The following DNMBP variants were observed in gnomAD, a reference collection of about 807,000 sequenced individuals.
DNMBP encodes the protein dynamin binding protein, also known as dynamin-binding protein.
Under a neutral mutation model 150.0 loss-of-function variants are expected in DNMBP, and 87 were observed. The ratio of observed to expected loss-of-function variants is 0.58; its 90% CI spans 0.49 to 0.69. The LOEUF (loss-of-function observed/expected upper bound fraction) is 0.69. DNMBP is among the 30% of genes least tolerant of loss of function. DNMBP has a pLI of 0.00. For missense variants in DNMBP, 1,774 were observed against 1,949.0 expected (o/e 0.91, Z 1.69); for synonymous variants, 711 against 750.4 (o/e 0.95, Z 0.86).
chr10:99,884,814 A>T (rs1168603667), intron 14 of DNMBP, among the ~76,000 whole-genome samples: 1 of 151,882 alleles, frequency 6.6e-6, no homozygotes, highest in Non-Finnish European at 1.5e-5. Context: ...GAGGCAGGAG[A>T]ATCACTTGAA....
chr10:99,915,108 A>ATATAT (rs1554863106), intron 4 of DNMBP, among the ~76,000 whole-genome samples: 4 of 99,798 alleles, frequency 4.0e-5, no homozygotes, highest in African/African-American at 1.8e-4. Flanking sequence ...AAAAAAAAAA[A>ATATAT]ATATATATAT....
intron 6 of DNMBP, among the ~76,000 whole-genome samples, chr10:99,900,932 C>CCTATA (rs1225993567): frequency 6.6e-6 from 1 of 151,990 alleles, no homozygotes; most frequent in Non-Finnish European, 1.5e-5. Context: ...GATATAGTAA[C>CCTATA]CTATATACTA....
At chr10:99,893,973 T>A (rs913560528) in intron 11 of DNMBP, among the ~76,000 whole-genome samples, 2 of 152,194 alleles carry the variant, frequency 1.3e-5, no homozygotes, top group South Asian at 2.1e-4. Flanking sequence ...AAACTTTTTT[T>A]TTAAAAAAGT....
chr10:99,973,807 C>G (rs1305975289), intron 1 of DNMBP, among the ~76,000 whole-genome samples: 1 of 152,130 alleles, frequency 6.6e-6, no homozygotes, highest in Non-Finnish European at 1.5e-5. Context: ...ATGGTGAAAC[C>G]CCGTCTCTAC....
In DNMBP at chr10:99,900,148, T is replaced by C. The variant is rs528667540; in HGVS notation, c.2555-82A>G. The C allele has an allele frequency of 7.7e-5, 108 of 1,407,012 alleles. 1 individual carries two copies. The South Asian group carries it at 1.3e-3, about 17-fold the overall frequency. 87.2% of individuals were successfully genotyped at this position (1,407,012 alleles called of 1,614,324 possible). A position where few individuals can be genotyped will look rare whatever the true frequency, so the allele number is the denominator to read the frequency against. On this transcript the variant is annotated intron_variant, in intron 6 of 16. Transcript: ENST00000324109. The stretch of plus-strand genomic sequence containing the variant: ...AAATGTAAGGTACACAGCCAAACTT[T>C]AGTACCAGCTAAATCCTACCTATTA...
At chr10:99,998,233 CAAA>C (rs112662710) in intron 1 of DNMBP, among the ~76,000 whole-genome samples, 2 of 130,478 alleles carry the variant, frequency 1.5e-5, no homozygotes. Flanking sequence ...GACTCCGTCT[CAAA>C]AAAAAAAAAA....
intron 3 of DNMBP, among the ~76,000 whole-genome samples, chr10:99,960,990 A>G (rs899166712): frequency 6.6e-5 from 10 of 151,954 alleles, no homozygotes; most frequent in Admixed American, 2.0e-4. Context: ...AAAATAAAAT[A>G]AAATAAATAA....
intron 4 of DNMBP, among the ~76,000 whole-genome samples, chr10:99,911,615 A>G (rs930504246): frequency 5.9e-5 from 9 of 152,224 alleles, no homozygotes; most frequent in African/African-American, 2.2e-4. Context: ...AGAATGAGAT[A>G]AAAACAGCAA....
intron 12 of DNMBP, 41 bp from the exon 13 acceptor site, chr10:99,886,673 T>A: frequency 6.4e-7 from 1 of 1,568,166 alleles, no homozygotes. Flanking sequence ...CTGGACAGCA[T>A]CCCACATTTG....
intron 10 of DNMBP, among the ~76,000 whole-genome samples, chr10:99,895,443 A>G (rs190445822): frequency 1.2e-3 from 187 of 152,348 alleles, no homozygotes; most frequent in Non-Finnish European, 2.0e-3. Flanking sequence ...TAGCTTCCTT[A>G]AAAACATCTT....
chr10:99,900,658 G>A lies in DNMBP; in HGVS notation c.2555-592C>T, dbSNP rs114043548. On this transcript the variant is annotated intron_variant, in intron 6 of 16. Transcript: ENST00000324109. ...GTTTCTTATTTTTTTTTCCTGAGAC[G>A]GAGTCTCTTGTCGCCCAGGCTGGAG... Among the ~76,000 whole-genome samples the A allele has an allele frequency of 2.4e-3, 347 of 147,378 alleles. 2 individuals carry two copies. Among genetic ancestry groups the A allele is most frequent in the African/African-American group, 7.0e-3 (279 of 39,924 alleles).
intron 1 of DNMBP, among the ~76,000 whole-genome samples, chr10:99,975,254 G>A (rs1469725958): frequency 6.6e-6 from 1 of 152,086 alleles, no homozygotes; most frequent in African/African-American, 2.4e-5. Context: ...CAGCTACTCA[G>A]GAGGCTGAGG....
chr10:99,971,864 T>C (rs1051854227), intron 2 of DNMBP, 116 bp downstream of exon 2: 5 of 920,356 alleles, frequency 5.4e-6, no homozygotes, highest in East Asian at 5.2e-5. Flanking sequence ...TTCTTTCTTT[T>C]TTTTTTTTTA....
At chr10:99,905,104 T>A (rs2039806120) in intron 6 of DNMBP, among the ~76,000 whole-genome samples, 1 of 151,918 alleles carries the variant, frequency 6.6e-6, no homozygotes, top group Non-Finnish European at 1.5e-5. Context: ...GAGATACTTA[T>A]TTCAAGTGCC....
At chr10:99,974,048 G>A (rs2040703976) in intron 1 of DNMBP, among the ~76,000 whole-genome samples, 1 of 152,128 alleles carries the variant, frequency 6.6e-6, no homozygotes, top group African/African-American at 2.4e-5. Flanking sequence ...TAGCACTTCG[G>A]GAGACTAAGG....
At chr10:99,888,366 A>G (rs1356893613) in intron 12 of DNMBP, among the ~76,000 whole-genome samples, 1 of 151,874 alleles carries the variant, frequency 6.6e-6, no homozygotes, top group Non-Finnish European at 1.5e-5. Context: ...GCCCACCACC[A>G]TGCCCTGCTA....
intron 8 of DNMBP, 152 bp downstream of exon 8, chr10:99,898,591 C>T: frequency 1.2e-6 from 1 of 823,866 alleles, no homozygotes; most frequent in East Asian, 2.4e-5. Flanking sequence ...GTAAAGTGTT[C>T]CCTTGGGGAT....
chr10:99,885,675 T>A lies in DNMBP; in HGVS notation c.3798+12A>T. The A allele has an allele frequency of 6.4e-7, 1 of 1,554,554 alleles. No homozygotes were observed. The highest frequency in any genetic ancestry group is 1.2e-5 in the South Asian group (1 of 84,444). ...CCCGAGGCGGGGCTGCTGCTCTCAG[T>A]TCCCTACTCACCAGGCCCAGGAGTG... On this transcript the variant is annotated intron_variant, in intron 14 of 16. Coordinates refer to ENST00000324109, the MANE Select transcript of DNMBP (RefSeq NM_015221.4).
At position 99,955,547 on chromosome 10, in the gene DNMBP, G is replaced by T. The variant is rs139122036; in HGVS notation, c.1927C>A (p.Arg643Ser). 6.3e-7 allele frequency: 1 copy of T among 1,599,256 alleles called. No homozygotes were observed. The highest frequency in any genetic ancestry group is 1.1e-5 in the South Asian group (1 of 89,200). Reference sequence around the variant, plus strand: ...GCTGAGGGAGGCAGGGGAGCTGGGCGAGAGGGTCGCACCACCAAGGGTGGT... The same window carrying T: ...GCTGAGGGAGGCAGGGGAGCTGGGCTAGAGGGTCGCACCACCAAGGGTGGT... Reference protein sequence around the residue: ...PAPPLVVRPSRPAPLPPSAQQ... With the variant: ...PAPPLVVRPSSPAPLPPSAQQ... Residue 643 changes from arginine to serine, a missense_variant, in exon 4 of 17, where the codon CGC becomes AGC. This residue lies in a region of DNMBP where 1,430 missense variants were observed against 1,492.5 expected (regional missense o/e 0.96). Transcript: ENST00000324109.
Sources: allele counts gnomAD v4.1 joint callset (sites outside exome capture counted in the v4.1 genomes callset), GRCh38; gene constraint gnomAD v4.1.1; regional missense constraint gnomAD v4.1.1; transcripts MANE v1.5; gene names NCBI Gene and HGNC (gene_info 2026-07-23, HGNC 2026-07-21).